The following ALDH9A1 variants were observed in gnomAD, a reference collection of about 807,000 sequenced individuals.
ALDH9A1 encodes the protein aldehyde dehydrogenase 9 family member A1, also known as 4-trimethylaminobutyraldehyde dehydrogenase.
Under a neutral mutation model 56.6 loss-of-function variants are expected in ALDH9A1, and 42 were observed. The ratio of observed to expected loss-of-function variants is 0.74; its 90% CI spans 0.58 to 0.96. The LOEUF (loss-of-function observed/expected upper bound fraction) is 0.96, where lower values mean the gene tolerates loss of function less well. Ranked by LOEUF, ALDH9A1 falls within the 40% of genes least tolerant of loss-of-function variation. The pLI, the probability that ALDH9A1 is intolerant of heterozygous loss-of-function variation, is 0.00. For synonymous variants in ALDH9A1, 242 were observed against 236.0 expected, an observed-to-expected ratio of 1.03 and a Z score of -0.23; for missense variants, 661 against 651.5, an observed-to-expected ratio of 1.01 and a Z score of -0.16.
intron 6 of ALDH9A1, among the ~76,000 whole-genome samples, chr1:165,671,955 G>T (rs1229004035): frequency 1.3e-5 from 2 of 152,136 alleles, no homozygotes; most frequent in Admixed American, 6.5e-5. Flanking sequence ...AAGAAAATAA[G>T]AAAATAACAT....
chr1:165,668,941 TCATGTAATATC>T lies in ALDH9A1; in HGVS notation c.1181_1191del (p.Gly394GlufsTer7). On this transcript the variant is annotated frameshift_variant, in exon 8 of 11. Coordinates refer to ENST00000354775, the MANE Select transcript of ALDH9A1 (RefSeq NM_000696.4). LOFTEE classifies it high-confidence loss of function. ...GAGGACATACTTAATACACAAGGTCTCATGTAATATCCATCCTTTAATTTGGGATCTTCAGG... is the reference window on the plus strand; with the variant it reads ...GAGGACATACTTAATACACAAGGTCTCATCCTTTAATTTGGGATCTTCAGG... The T allele has an allele frequency of 6.2e-7, 1 of 1,602,122 alleles. No homozygotes were observed. Among genetic ancestry groups the T allele is most frequent in the Non-Finnish European group, 8.6e-7 (1 of 1,169,228 alleles).
intron 2 of ALDH9A1, among the ~76,000 whole-genome samples, chr1:165,683,730 T>G (rs895289367): frequency 1.3e-5 from 2 of 152,222 alleles, no homozygotes; most frequent in Non-Finnish European, 2.9e-5. Context: ...CAATACTATT[T>G]TCAAATACTG....
intron 6 of ALDH9A1, among the ~76,000 whole-genome samples, chr1:165,678,445 A>C (rs1208313559): frequency 6.6e-6 from 1 of 152,234 alleles, no homozygotes; most frequent in African/African-American, 2.4e-5. Flanking sequence ...GATATAAATA[A>C]ATGAATGGAA....
At chr1:165,682,629 A>T (rs1204415234) in intron 3 of ALDH9A1, among the ~76,000 whole-genome samples, 2 of 152,206 alleles carry the variant, frequency 1.3e-5, no homozygotes, top group Non-Finnish European at 2.9e-5. Flanking sequence ...TCAATTGTTG[A>T]AAACTTTATA....
intron 6 of ALDH9A1, among the ~76,000 whole-genome samples, chr1:165,674,719 C>T (rs1649294769): frequency 6.6e-6 from 1 of 150,654 alleles, no homozygotes; most frequent in Admixed American, 6.6e-5. Context: ...AAAATAGAAC[C>T]ATCCTATGAT....
chr1:165,668,928 A>G lies in ALDH9A1; in HGVS notation c.1205T>C (p.Leu402Ser), dbSNP rs1321250416. Residue 402 changes from leucine (L) to serine (S), a missense_variant and splice_region_variant, in exon 8 of 11, where the codon TTA becomes TCA. By Grantham distance (145) the Leu-to-Ser change is moderately radical. Coordinates refer to ENST00000354775, the MANE Select transcript of ALDH9A1 (RefSeq NM_000696.4). ...AAGCAAACAAAAAGAGGACATACTT[A>G]ATACACAAGGTCTCATGTAATATCC... is the stretch of plus-strand genomic sequence containing the variant. ...KDGYYMRPCV[L>S]TNCRDDMTCV... is the part of the protein sequence containing the mutation. The G allele has an allele frequency of 6.3e-7, 1 of 1,581,868 alleles. No homozygotes were observed.
At chr1:165,684,391 C>G (rs1173230790) in intron 2 of ALDH9A1, among the ~76,000 whole-genome samples, 1 of 152,038 alleles carries the variant, frequency 6.6e-6, no homozygotes, top group Non-Finnish European at 1.5e-5. Flanking sequence ...TCTTTTAAAC[C>G]AACAATTTAC....
At chr1:165,690,291 T>C (rs1649848319) in intron 2 of ALDH9A1, among the ~76,000 whole-genome samples, 1 of 151,774 alleles carries the variant, frequency 6.6e-6, no homozygotes, top group South Asian at 2.1e-4. Context: ...TCACAGTTTC[T>C]GACGTAACAT....
In ALDH9A1 at chr1:165,669,731, C is replaced by T. The variant is rs565534527; in HGVS notation, c.931-281G>A. On this transcript the variant is annotated intron_variant, in intron 6 of 10. Coordinates refer to ENST00000354775, the MANE Select transcript of ALDH9A1 (RefSeq NM_000696.4). ...AAAGGCCATTACTAGATCCATATAA[C>T]CCACAGCACCTCTCCTACTTCCTCA... Among the ~76,000 whole-genome samples the T allele has an allele frequency of 3.3e-5, 5 of 152,060 alleles. No homozygotes were observed. In the East Asian group the frequency reaches 9.6e-4, roughly 29 times the overall value.
chr1:165,681,051 G>A (rs1227023898), intron 4 of ALDH9A1, among the ~76,000 whole-genome samples: 3 of 152,174 alleles, frequency 2.0e-5, no homozygotes, highest in African/African-American at 7.2e-5. Context: ...ACTATCAGGA[G>A]AATAGCATGA....
intron 2 of ALDH9A1, among the ~76,000 whole-genome samples, chr1:165,685,733 G>A (rs1021104487): frequency 2.0e-5 from 3 of 152,172 alleles, no homozygotes; most frequent in Admixed American, 2.0e-4. Context: ...CCATGTTAAG[G>A]AGGGGGACCA....
At chr1:165,680,321 T>C (rs965570295) in intron 5 of ALDH9A1, among the ~76,000 whole-genome samples, 166 bp downstream of exon 5, 2 of 152,168 alleles carry the variant, frequency 1.3e-5, no homozygotes, top group Non-Finnish European at 2.9e-5. Flanking sequence ...TCCCCCTTCA[T>C]ACTTTTACAG....
At chr1:165,689,218 T>A (rs1356721651) in intron 2 of ALDH9A1, among the ~76,000 whole-genome samples, 1 of 152,214 alleles carries the variant, frequency 6.6e-6, no homozygotes, top group African/African-American at 2.4e-5. Flanking sequence ...GAAAATTCTA[T>A]ATGAATATTT....
In ALDH9A1 at chr1:165,698,532, C is replaced by A. The variant is rs771845262; in HGVS notation, c.27G>T (p.Ala9=). 4 of 1,608,994 alleles carry A rather than the reference C, an allele frequency of 2.5e-6. No individual in the cohort carries two copies. The stretch of plus-strand genomic sequence containing the variant: ...GAAGACTGCGAAGAAGCGGGGAGAG[C>A]GCGGCCAGGCCTGCTCGGAGAAACA... MFLRAGLA[A]LSPLLRSLRP... is the part of the protein sequence containing the mutation. The change falls in exon 1 of 11, where the codon GCG becomes GCT. Residue 9 remains alanine, a synonymous_variant. Coordinates refer to ENST00000354775, the MANE Select transcript of ALDH9A1 (RefSeq NM_000696.4).
intron 1 of ALDH9A1, among the ~76,000 whole-genome samples, chr1:165,698,083 C>G (rs1412280138): frequency 6.6e-6 from 1 of 152,096 alleles, no homozygotes; most frequent in Non-Finnish European, 1.5e-5. Context: ...AGGAAGTTAA[C>G]AGAGGCACGA....
chr1:165,675,335 CTAT>C (rs1193598820), intron 6 of ALDH9A1, among the ~76,000 whole-genome samples: 1 of 151,422 alleles, frequency 6.6e-6, no homozygotes, highest in Non-Finnish European at 1.5e-5. Context: ...ATATTCTATA[CTAT>C]ATGTATTCTT....
intron 6 of ALDH9A1, among the ~76,000 whole-genome samples, chr1:165,678,609 A>G (rs557273752): frequency 6.6e-6 from 1 of 152,222 alleles, no homozygotes; most frequent in African/African-American, 2.4e-5. Flanking sequence ...TTACTGCATG[A>G]AAGTTTGATG....
rs749430621 is a variant in ALDH9A1 at position 165,680,660 on chromosome 1, A to G, written c.616T>C (p.Ser206Pro). 6.2e-7 allele frequency: 1 copy of G among 1,612,698 alleles called. No individual in the cohort carries two copies. Among genetic ancestry groups the G allele is most frequent in the Non-Finnish European group, 8.5e-7 (1 of 1,179,560 alleles). Residue 206 changes from serine (S) to proline (P), a missense_variant, in exon 5 of 11, where the codon TCT becomes CCT. Ser to Pro is a moderately conservative substitution (Grantham distance 74). Transcript: ENST00000354775. ...AATGCAGAAACAGGTGTAAAGGGAG[A>G]AGGTTTAAAGACCATGGCATTACCT... is the stretch of plus-strand genomic sequence containing the variant. ...ACGNAMVFKP[S>P]PFTPVSALLL...
intron 6 of ALDH9A1, among the ~76,000 whole-genome samples, chr1:165,678,970 C>T (rs987841560): frequency 1.3e-5 from 2 of 151,826 alleles, no homozygotes; most frequent in African/African-American, 4.8e-5. Flanking sequence ...GATCCTAGAC[C>T]GGAAAAAAAA....
Sources: gnomAD v4.1 joint callset for allele counts (sites outside exome capture counted in the v4.1 genomes callset) on GRCh38, gnomAD v4.1.1 for gene constraint, MANE v1.5 for transcripts, NCBI Gene and HGNC (gene_info 2026-07-23, HGNC 2026-07-21) for gene names.